GTF3C3: variants seen among roughly 807,000 people sequenced by gnomAD.
The protein encoded by GTF3C3 is general transcription factor 3C polypeptide 3.
GTF3C3 carries 75 observed loss-of-function variants against 105.2 expected under a neutral mutation model. The observed-to-expected ratio is 0.71, with a 90% CI of 0.59 to 0.86. GTF3C3 has a LOEUF of 0.86. Among genes scored for constraint, GTF3C3 ranks in the 40% least tolerant of loss-of-function variants. The probability of loss-of-function intolerance (pLI) is 0.00; values close to 1 mark genes in which losing one functional copy is unlikely to be tolerated. For missense variants in GTF3C3, 856 were observed against 1,076.5 expected (o/e 0.80, Z 2.87); for synonymous variants, 335 against 370.4 (o/e 0.90, Z 1.10).
At chr2:196,794,715 G>A (rs919816760) in intron 2 of GTF3C3, among the ~76,000 whole-genome samples, 2 of 150,164 alleles carry the variant, frequency 1.3e-5, no homozygotes, top group African/African-American at 2.5e-5. Flanking sequence ...GATTACAGGC[G>A]TGAGCCACTG....
At position 196,764,385 on chromosome 2, in the gene GTF3C3, G is replaced by GAAT; in HGVS notation, c.*175_*177dup. 4.0e-6 allele frequency: 2 copies of GAAT among 498,244 alleles called. No individual in the cohort carries two copies. Among genetic ancestry groups the GAAT allele is most frequent in the South Asian group, 1.1e-4 (2 of 18,466 alleles). 30.9% of individuals were successfully genotyped at this position (498,244 alleles called of 1,614,324 possible). Reference sequence around the variant, plus strand: ...CAGACCAATATACAAATTTTTGTAGGAATAATTTTGCATATATACCACAAG... The same window carrying GAAT: ...CAGACCAATATACAAATTTTTGTAGGAATAATAATTTTGCATATATACCACAAG... On this transcript the variant is annotated 3_prime_UTR_variant, in exon 18 of 18. Coordinates refer to ENST00000263956, the MANE Select transcript of GTF3C3 (RefSeq NM_012086.5).
rs776175527 is a variant in GTF3C3 at position 196,771,771 on chromosome 2, G to A, written c.2237C>T (p.Ser746Phe). 2 of 1,612,700 alleles carry A rather than the reference G, an allele frequency of 1.2e-6. No individual in the cohort carries two copies. The highest frequency in any genetic ancestry group is 1.7e-6 in the Non-Finnish European group (2 of 1,178,838). The change falls in exon 15 of 18, where the codon TCT becomes TTT. Residue 746 changes from serine (S) to phenylalanine (F), a missense_variant. Ser to Phe is a radical substitution (Grantham distance 155, BLOSUM62 -2). Transcript: ENST00000263956. ...CVLNGHNAFV[S>F]GSFKHALGQY... ...ACCAAGCGCATGCTTAAAACTACCA[G>A]ATACAAATGCATTGTGTCCATTTAA...
intron 8 of GTF3C3, among the ~76,000 whole-genome samples, chr2:196,784,049 T>C (rs1022842963): frequency 6.6e-6 from 1 of 152,204 alleles, no homozygotes; most frequent in Non-Finnish European, 1.5e-5. Context: ...GGATGGATCA[T>C]GTTTTAAGTA....
chr2:196,778,477 A>G (rs1038420883), intron 10 of GTF3C3: 1 of 180,204 alleles, frequency 5.5e-6, no homozygotes, highest in Non-Finnish European at 1.2e-5. Context: ...TAAACGGCTG[A>G]TAAAACCCAA....
chr2:196,792,183 G>T (rs1413190319), intron 3 of GTF3C3, among the ~76,000 whole-genome samples: 1 of 152,014 alleles, frequency 6.6e-6, no homozygotes, highest in Non-Finnish European at 1.5e-5. Flanking sequence ...TTTAAGACAG[G>T]GTCTCACTCT....
chr2:196,775,927 A>T (rs1699252018), intron 12 of GTF3C3, 83 bp downstream of exon 12: 1 of 574,294 alleles, frequency 1.7e-6, no homozygotes, highest in African/African-American at 2.0e-5. Context: ...AAACAATTAT[A>T]AAGTAGTATA....
At chr2:196,795,286 C>A (rs1699622582) in intron 2 of GTF3C3, among the ~76,000 whole-genome samples, 1 of 152,222 alleles carries the variant, frequency 6.6e-6, no homozygotes, top group Non-Finnish European at 1.5e-5. Context: ...GACCCACCCA[C>A]CTCAGCCTCC....
intron 14 of GTF3C3, among the ~76,000 whole-genome samples, chr2:196,772,456 G>A (rs1307042836): frequency 6.6e-6 from 1 of 152,186 alleles, no homozygotes; most frequent in East Asian, 1.9e-4. Flanking sequence ...GCTGAGGCAG[G>A]AGAATCGCTT....
At chr2:196,794,906 T>G (rs1256969998) in intron 2 of GTF3C3, among the ~76,000 whole-genome samples, 2 of 151,048 alleles carry the variant, frequency 1.3e-5, no homozygotes, top group Non-Finnish European at 2.9e-5. Context: ...TTTTTGTATT[T>G]TTAGTAGAGA....
At chr2:196,772,005 A>C (rs1576018647) in intron 14 of GTF3C3, 67 bp from the exon 15 acceptor site, 1 of 1,041,502 alleles carries the variant, frequency 9.6e-7, no homozygotes, top group East Asian at 2.4e-5. Context: ...TAAAAATGAA[A>C]CCCTTCAGTG....
chr2:196,799,637 C>T lies in GTF3C3; in HGVS notation c.-26G>A, dbSNP rs140761045. On this transcript the variant is annotated 5_prime_UTR_variant, in exon 1 of 18. Transcript: ENST00000263956. ...GTTTACAGGGTCTGTCTGTGCAACC[C>T]CAGGAACCGGGACAGAGAACCGGAA... 3.9e-6 allele frequency: 6 copies of T among 1,528,226 alleles called. No homozygotes were observed. Among genetic ancestry groups the T allele is most frequent in the African/African-American group, 2.7e-5 (2 of 73,250 alleles). The allele number at this position is 1,528,226 out of a possible 1,614,324, so 94.7% of individuals were successfully genotyped here. A position where few individuals can be genotyped will look rare whatever the true frequency, so the allele number is the denominator to read the frequency against.
At chr2:196,768,435 T>C (rs1161820702) in intron 16 of GTF3C3, among the ~76,000 whole-genome samples, 1 of 152,156 alleles carries the variant, frequency 6.6e-6, no homozygotes, top group African/African-American at 2.4e-5. Flanking sequence ...CTATACAATA[T>C]TAAATAAAAG....
At chr2:196,798,964 G>A (rs780523742) in intron 1 of GTF3C3, among the ~76,000 whole-genome samples, 3 of 151,906 alleles carry the variant, frequency 2.0e-5, no homozygotes, top group Admixed American at 2.0e-4. Flanking sequence ...AGAAGATACA[G>A]TAAGTTCAGA....
chr2:196,781,697 TTTAA>T (rs1699366711), intron 8 of GTF3C3, among the ~76,000 whole-genome samples: 1 of 151,802 alleles, frequency 6.6e-6, no homozygotes, highest in African/African-American at 2.4e-5. Flanking sequence ...TTCGGACAAG[TTTAA>T]TTAAGAGACT....
chr2:196,771,603 T>C, intron 15 of GTF3C3, 145 bp downstream of exon 15: 1 of 595,318 alleles, frequency 1.7e-6, no homozygotes, highest in South Asian at 2.3e-5. Flanking sequence ...TTATCTCCAT[T>C]TTAGAGATCA....
At chr2:196,765,809 G>T (rs1426123754) in intron 17 of GTF3C3, among the ~76,000 whole-genome samples, 6 of 151,798 alleles carry the variant, frequency 4.0e-5, no homozygotes, top group Admixed American at 3.9e-4. Flanking sequence ...AGGAGATCGA[G>T]ACCATCCTGG....
At position 196,763,868 on chromosome 2, in the gene GTF3C3, A is replaced by C. The variant is rs907897708; in HGVS notation, c.*695T>G. 11 of 152,198 alleles carry C rather than the reference A, an allele frequency of 7.2e-5. No individual in the cohort carries two copies. Among genetic ancestry groups the C allele is most frequent in the African/African-American group, 2.4e-4 (10 of 41,468 alleles). 9.4% of individuals were successfully genotyped at this position (152,198 alleles called of 1,614,324 possible). A position where few individuals can be genotyped will look rare whatever the true frequency, so the allele number is the denominator to read the frequency against. ...CGTACTACTTGCCCAGTCTTATATTACTTGTGATCTTGAAATGGAAACCAT... is the reference window on the plus strand; with the variant it reads ...CGTACTACTTGCCCAGTCTTATATTCCTTGTGATCTTGAAATGGAAACCAT... On this transcript the variant is annotated 3_prime_UTR_variant, in exon 18 of 18. Coordinates refer to ENST00000263956, the MANE Select transcript of GTF3C3 (RefSeq NM_012086.5).
chr2:196,797,913 G>A lies in GTF3C3; in HGVS notation c.103-5C>T, dbSNP rs1414707989. Reference sequence around the variant, plus strand: ...CTTGCCTTTTTCCTGAAGACTCTGTGATTGCAAATTAATTAATGATTCCAA... The same window carrying A: ...CTTGCCTTTTTCCTGAAGACTCTGTAATTGCAAATTAATTAATGATTCCAA... On this transcript the variant is annotated splice_region_variant and splice_polypyrimidine_tract_variant and intron_variant, in intron 1 of 17. Coordinates refer to ENST00000263956, the MANE Select transcript of GTF3C3 (RefSeq NM_012086.5). The A allele has an allele frequency of 1.4e-6, 2 of 1,476,868 alleles. No homozygotes were observed. Among genetic ancestry groups the A allele is most frequent in the South Asian group, 2.3e-5 (2 of 88,296 alleles). The allele number at this position is 1,476,868 out of a possible 1,614,324, so 91.5% of individuals were successfully genotyped here.
In GTF3C3 at chr2:196,776,329, A is replaced by C; in HGVS notation, c.1593+98T>G. The C allele has an allele frequency of 9.9e-7, 1 of 1,013,478 alleles. No homozygotes were observed. Among genetic ancestry groups the C allele is most frequent in the Non-Finnish European group, 1.5e-6 (1 of 682,760 alleles). The allele number at this position is 1,013,478 out of a possible 1,614,324, so 62.8% of individuals were successfully genotyped here. On this transcript the variant is annotated intron_variant, in intron 11 of 17. Transcript: ENST00000263956. The surrounding 1 kb of genome is among the most constrained non-coding windows in gnomAD (Gnocchi z 4.5). ...TCAAAAACTTGAATACACTAAAATAAAATTTTGGATATAAGCTATAGAGAC... is the reference window on the plus strand; with the variant it reads ...TCAAAAACTTGAATACACTAAAATACAATTTTGGATATAAGCTATAGAGAC...
Sources: gnomAD v4.1 joint callset for allele counts (sites outside exome capture counted in the v4.1 genomes callset) on GRCh38, gnomAD v4.1.1 for gene constraint, Gnocchi (gnomAD v3.1) non-coding constraint, MANE v1.5 for transcripts, NCBI Gene and HGNC (gene_info 2026-07-23, HGNC 2026-07-21) for gene names.